The following KCNQ1 variants were observed in gnomAD, a reference collection of about 807,000 sequenced individuals.
KCNQ1 encodes potassium voltage-gated channel subfamily KQT member 1.
In KCNQ1, 49 loss-of-function variants were observed where a neutral mutation model predicts 72.4. The ratio of observed to expected loss-of-function variants is 0.68; its 90% CI spans 0.54 to 0.86. KCNQ1 has a LOEUF of 0.86. Among genes scored for constraint, KCNQ1 ranks in the 40% least tolerant of loss-of-function variants. The probability of loss-of-function intolerance (pLI) is 0.00; values close to 1 mark genes in which losing one functional copy is unlikely to be tolerated. For missense variants in KCNQ1, 790 were observed against 945.1 expected (o/e 0.84, Z 2.15); for synonymous variants, 450 against 412.6 (o/e 1.09, Z -1.10).
intron 11 of KCNQ1, among the ~76,000 whole-genome samples, chr11:2,707,869 G>A (rs987457544): frequency 2.0e-5 from 3 of 152,230 alleles, no homozygotes; most frequent in African/African-American, 4.8e-5. Context: ...TGCAGAGGCA[G>A]CTCCTTTCAT....
chr11:2,697,636 G>T, intron 11 of KCNQ1: 1 of 398,534 alleles, frequency 2.5e-6, no homozygotes, highest in East Asian at 3.6e-5. Context: ...GAACCATATG[G>T]TTTTTCTCCT....
chr11:2,689,204 C>T (rs1275660044), intron 11 of KCNQ1: 1 of 398,704 alleles, frequency 2.5e-6, no homozygotes, highest in Non-Finnish European at 4.4e-6. Context: ...GCTCAGCTTG[C>T]TGACTTTGAT....
intron 11 of KCNQ1, among the ~76,000 whole-genome samples, chr11:2,729,326 TAAAGTCCCCAC>T (rs894696479): frequency 2.0e-5 from 3 of 152,252 alleles, no homozygotes; most frequent in African/African-American, 7.2e-5. Flanking sequence ...ATGGGGGTAA[TAAAGTCCCCAC>T]ATTGTAGCAC....
intron 10 of KCNQ1, among the ~76,000 whole-genome samples, chr11:2,606,599 A>G (rs574876291): frequency 1.3e-5 from 2 of 152,260 alleles, no homozygotes; most frequent in East Asian, 3.9e-4. Context: ...TGCTGGTGCC[A>G]TATTTCCTGT....
intron 11 of KCNQ1, chr11:2,688,796 C>T (rs754643894): frequency 5.0e-6 from 2 of 398,788 alleles, no homozygotes; most frequent in Non-Finnish European, 4.4e-6. Flanking sequence ...TGCCCTCCCC[C>T]ACACACAGCC....
rs768127426 is a variant in KCNQ1, at chr11:2,473,395, G to A, written c.386+27911G>A. Among the ~76,000 whole-genome samples, 21 of 152,158 alleles carry A rather than the reference G, an allele frequency of 1.4e-4. No homozygotes were observed. The highest frequency in any genetic ancestry group is 2.1e-4 in the South Asian group (1 of 4,834). ...TGCAGTGAGTCCTGCCTGGAGTCCCGTCCAGCAGGAGGCAGGAGAGCTGGT... is the reference window on the plus strand; with the variant it reads ...TGCAGTGAGTCCTGCCTGGAGTCCCATCCAGCAGGAGGCAGGAGAGCTGGT... On this transcript the variant is annotated intron_variant, in intron 1 of 15. Transcript: ENST00000155840. This position sits in a 1 kb window ranked among gnomAD's most constrained non-coding sequence, Gnocchi z 6.0.
At position 2,612,868 on chromosome 11, in the gene KCNQ1, C is replaced by T. The variant is rs1187011262; in HGVS notation, c.1393+24014C>T. Reference sequence around the variant, plus strand: ...GTAGAAACTCTGGATTCTAGTTCTTCTCCCTAACCAGGGATGATTTCTGTT... The same window carrying T: ...GTAGAAACTCTGGATTCTAGTTCTTTTCCCTAACCAGGGATGATTTCTGTT... On this transcript the variant is annotated intron_variant, in intron 10 of 15. Transcript: ENST00000155840. The surrounding 1 kb of genome is among the most constrained non-coding windows in gnomAD (Gnocchi z 5.5). 1 of 398,448 alleles carries T rather than the reference C, an allele frequency of 2.5e-6. No homozygotes were observed. Among genetic ancestry groups the T allele is most frequent in the East Asian group, 3.6e-5 (1 of 28,084 alleles). The allele number at this position is 398,448 out of a possible 1,614,324, so 24.7% of individuals were successfully genotyped here. A position where few individuals can be genotyped will look rare whatever the true frequency, so the allele number is the denominator to read the frequency against.
chr11:2,786,434 A>G (rs1846914876), intron 15 of KCNQ1, among the ~76,000 whole-genome samples: 1 of 152,022 alleles, frequency 6.6e-6, no homozygotes, highest in South Asian at 2.1e-4. Flanking sequence ...TGCCTGAGCT[A>G]CCTTACTCAG....
Position 2,544,917 on chromosome 11 carries a change from A to G in KCNQ1, c.477+16899A>G, listed in dbSNP as rs545685712. 2.0e-5 allele frequency among the ~76,000 whole-genome samples: 3 copies of G among 152,318 alleles called. No individual in the cohort carries two copies. Among genetic ancestry groups the G allele is most frequent in the East Asian group, 3.9e-4 (2 of 5,188 alleles). On this transcript the variant is annotated intron_variant, in intron 2 of 15. Coordinates refer to ENST00000155840, the MANE Select transcript of KCNQ1 (RefSeq NM_000218.3). The surrounding 1 kb of genome is among the most constrained non-coding windows in gnomAD (Gnocchi z 4.4). ...ACATCATTGTTCACCGTCAAGGGTG[A>G]TGTTGGCTCTGGGTTTCCATAGATG...
At chr11:2,665,372 G>T in intron 11 of KCNQ1, 1 of 398,142 alleles carries the variant, frequency 2.5e-6, no homozygotes, top group Non-Finnish European at 4.4e-6. Context: ...CCCATGACAA[G>T]AGGAGCCCTG....
chr11:2,577,707 G>A (rs1295650914), intron 6 of KCNQ1, among the ~76,000 whole-genome samples: 1 of 152,210 alleles, frequency 6.6e-6, no homozygotes, highest in Non-Finnish European at 1.5e-5. Flanking sequence ...CCCCCACCTG[G>A]TGGCGTCAGC....
chr11:2,823,193 T>C (rs1208944705), intron 15 of KCNQ1, among the ~76,000 whole-genome samples: 2 of 152,082 alleles, frequency 1.3e-5, no homozygotes, highest in African/African-American at 2.4e-5. Flanking sequence ...TCTAGAATCT[T>C]CTCAAAGAAG....
chr11:2,705,356 G>A (rs1264807608), intron 11 of KCNQ1, among the ~76,000 whole-genome samples: 1 of 152,112 alleles, frequency 6.6e-6, no homozygotes, highest in African/African-American at 2.4e-5. Context: ...ATATGTTTGG[G>A]CATTGCTCAG....
At chr11:2,545,253 T>C (rs1847888955) in intron 2 of KCNQ1, among the ~76,000 whole-genome samples, 1 of 152,204 alleles carries the variant, frequency 6.6e-6, no homozygotes, top group African/African-American at 2.4e-5. Context: ...TCTTGTAACG[T>C]CTTTGGCTTT....
In KCNQ1 at chr11:2,781,480, G is replaced by A. The variant is rs900730323; in HGVS notation, c.1794+3443G>A. ...CAGTGTGGGCCAGGGACCAATGCAGGCGGTCGGGAGAGGTCCGGAGAGAGC... is the reference window on the plus strand; with the variant it reads ...CAGTGTGGGCCAGGGACCAATGCAGACGGTCGGGAGAGGTCCGGAGAGAGC... On this transcript the variant is annotated intron_variant, in intron 15 of 15. Transcript: ENST00000155840. The surrounding 1 kb of genome is among the most constrained non-coding windows in gnomAD (Gnocchi z 6.6). 6.6e-6 allele frequency among the ~76,000 whole-genome samples: 1 copy of A among 152,230 alleles called. No homozygotes were observed. Among genetic ancestry groups the A allele is most frequent in the Non-Finnish European group, 1.5e-5 (1 of 68,040 alleles).
In KCNQ1 at chr11:2,458,530, G is replaced by C. The variant is rs892162724; in HGVS notation, c.386+13046G>C. Among the ~76,000 whole-genome samples, 2 of 152,234 alleles carry C rather than the reference G, an allele frequency of 1.3e-5. No homozygotes were observed. Among genetic ancestry groups the C allele is most frequent in the African/African-American group, 4.8e-5 (2 of 41,470 alleles). ...CTGCCAGGCTCCAGCTCCTGGTGAGGTCAGGGATTCCGCATGCAGCGTCAC... is the reference window on the plus strand; with the variant it reads ...CTGCCAGGCTCCAGCTCCTGGTGAGCTCAGGGATTCCGCATGCAGCGTCAC... On this transcript the variant is annotated intron_variant, in intron 1 of 15. Transcript: ENST00000155840. The surrounding 1 kb of genome is among the most constrained non-coding windows in gnomAD (Gnocchi z 4.6).
At chr11:2,630,446 CCTCT>C (rs1476053641) in intron 10 of KCNQ1, 2 of 397,992 alleles carry the variant, frequency 5.0e-6, no homozygotes, top group African/African-American at 4.1e-5. Context: ...GGGATTGTTC[CCTCT>C]TTGTTTGGGG....
rs1849209879 is a variant in KCNQ1 at position 2,623,549 on chromosome 11, C to G, written c.1393+34695C>G. ...GTAGTTTCTTCAGATTGCCTTATTT[C>G]ACATAGTAATATGTTTTTTAATTAC... On this transcript the variant is annotated intron_variant, in intron 10 of 15. Transcript: ENST00000155840. The surrounding 1 kb of genome is among the most constrained non-coding windows in gnomAD (Gnocchi z 5.2). 2.8e-5 allele frequency: 11 copies of G among 398,422 alleles called. No individual in the cohort carries two copies. The highest frequency in any genetic ancestry group is 4.9e-5 in the Non-Finnish European group (11 of 226,044). The allele number at this position is 398,422 out of a possible 1,614,324, so 24.7% of individuals were successfully genotyped here. A position where few individuals can be genotyped will look rare whatever the true frequency, so the allele number is the denominator to read the frequency against.
In KCNQ1 at chr11:2,664,188, C is replaced by T. The variant is rs988409091; in HGVS notation, c.1514+2107C>T. 3 of 398,578 alleles carry T rather than the reference C, an allele frequency of 7.5e-6. No homozygotes were observed. The highest frequency in any genetic ancestry group is 4.1e-5 in the African/African-American group (2 of 48,618). The allele number at this position is 398,578 out of a possible 1,614,324, so 24.7% of individuals were successfully genotyped here. A position where few individuals can be genotyped will look rare whatever the true frequency, so the allele number is the denominator to read the frequency against. On this transcript the variant is annotated intron_variant, in intron 11 of 15. Coordinates refer to ENST00000155840, the MANE Select transcript of KCNQ1 (RefSeq NM_000218.3). The surrounding 1 kb of genome is among the most constrained non-coding windows in gnomAD (Gnocchi z 5.1). ...AAGTGGCTGCTAGATATGAGCCAGC[C>T]TGGGAAGGCAGGAAGGAGCCCAGGC...
Sources: gnomAD v4.1 joint callset for allele counts (sites outside exome capture counted in the v4.1 genomes callset) on GRCh38, gnomAD v4.1.1 for gene constraint, Gnocchi (gnomAD v3.1) non-coding constraint, MANE v1.5 for transcripts, NCBI Gene and HGNC (gene_info 2026-07-23, HGNC 2026-07-21) for gene names.